ZFAT: variants seen among roughly 807,000 people sequenced by gnomAD.
ZFAT encodes the protein zinc finger protein ZFAT.
A neutral mutation model predicts 117.7 loss-of-function variants in ZFAT; 64 were observed. The ratio of observed to expected loss-of-function variants is 0.54; its 90% CI spans 0.44 to 0.67. The LOEUF (loss-of-function observed/expected upper bound fraction) is 0.67. ZFAT is among the 30% of genes least tolerant of loss of function. ZFAT has a pLI of 0.00. For synonymous variants in ZFAT, 679 were observed against 615.0 expected (o/e 1.10, Z -1.54); for missense variants, 1,433 against 1,584.5 (o/e 0.90, Z 1.62).
At chr8:134,722,137 C>T in the ZFAT span, among the ~76,000 whole-genome samples, 2 of 152,104 alleles carry the variant, frequency 1.3e-5, no homozygotes, top group South Asian at 4.1e-4. Context: ...TGTCATACAG[C>T]ACACCACTCA....
Position 134,532,835 on chromosome 8 carries a change from T to C in ZFAT, c.3114A>G (p.Gln1038=). Residue 1038 remains glutamine, a splice_region_variant and synonymous_variant, in exon 12 of 16, where the codon CAA becomes CAG. Transcript: ENST00000377838. ...GELAAEVLIQ[Q]GGLKCPVCSF... ...CCAGCTCGCTGGCCCCTCGCCTACCTTGCTGGATGAGCACCTCCGCTGCCA... is the reference window on the plus strand; with the variant it reads ...CCAGCTCGCTGGCCCCTCGCCTACCCTGCTGGATGAGCACCTCCGCTGCCA... The C allele has an allele frequency of 6.2e-7, 1 of 1,610,256 alleles. No homozygotes were observed. The highest frequency in any genetic ancestry group is 8.5e-7 in the Non-Finnish European group (1 of 1,178,532).
At chr8:134,495,966 G>A (rs1818406825) in intron 15 of ZFAT, among the ~76,000 whole-genome samples, 1 of 152,070 alleles carries the variant, frequency 6.6e-6, no homozygotes, top group South Asian at 2.1e-4. Context: ...ATCCACCCTG[G>A]ACTCCTGATG....
chr8:134,829,929 A>T, the ZFAT span, among the ~76,000 whole-genome samples: 4 of 152,256 alleles, frequency 2.6e-5, no homozygotes, highest in African/African-American at 9.6e-5. Context: ...ATTTCAAAAA[A>T]AGTCAAAGAA....
intron 14 of ZFAT, chr8:134,510,145 G>A (rs532760481): frequency 1.0e-4 from 48 of 457,972 alleles, no homozygotes; most frequent in South Asian, 7.0e-4. Context: ...TTCAGCCGCA[G>A]ACTCAATGAA....
chr8:134,715,710 C>T (rs1388130512), upstream of ZFAT, among the ~76,000 whole-genome samples: 1 of 152,228 alleles, frequency 6.6e-6, no homozygotes, highest in East Asian at 1.9e-4. Flanking sequence ...CAGCTGACCA[C>T]TGGTGGCAGT....
chr8:134,635,629 G>C (rs1382785778), intron 3 of ZFAT, among the ~76,000 whole-genome samples: 1 of 137,588 alleles, frequency 7.3e-6, no homozygotes, highest in Non-Finnish European at 1.5e-5. Context: ...GGGAGAGAGA[G>C]AGAGAGTCAG....
At chr8:134,629,141 G>A (rs191162119) in intron 3 of ZFAT, among the ~76,000 whole-genome samples, 2 of 152,244 alleles carry the variant, frequency 1.3e-5, no homozygotes, top group East Asian at 1.9e-4. Context: ...GGTAAGTGTC[G>A]GGATGTGACG....
At chr8:134,762,823 AC>A in the ZFAT span, among the ~76,000 whole-genome samples, 1 of 152,100 alleles carries the variant, frequency 6.6e-6, no homozygotes, top group Non-Finnish European at 1.5e-5. Context: ...ATACCTCTCT[AC>A]CCTTGAAAAA....
At chr8:134,691,360 G>A (rs1448530406) in intron 1 of ZFAT, among the ~76,000 whole-genome samples, 1 of 152,268 alleles carries the variant, frequency 6.6e-6, no homozygotes, top group Admixed American at 6.5e-5. Flanking sequence ...CTCAGGTGGT[G>A]GCCAGGAGGC....
intron 2 of ZFAT, among the ~76,000 whole-genome samples, chr8:134,650,674 C>T (rs1018278384): frequency 2.0e-5 from 3 of 152,214 alleles, no homozygotes; most frequent in Admixed American, 2.0e-4. Context: ...CAGTTACAGC[C>T]ATCTAAACAG....
chr8:134,700,872 G>C (rs1159720000), intron 1 of ZFAT, among the ~76,000 whole-genome samples: 1 of 152,144 alleles, frequency 6.6e-6, no homozygotes, highest in African/African-American at 2.4e-5. Context: ...CCTTGTACAA[G>C]TGAGTAAGTT....
At chr8:134,769,863 C>T in the ZFAT span, among the ~76,000 whole-genome samples, 2 of 152,252 alleles carry the variant, frequency 1.3e-5, no homozygotes, top group Non-Finnish European at 2.9e-5. Flanking sequence ...AGGCTCAACG[C>T]CATGTGGAAG....
chr8:134,495,473 C>T (rs1050674810), intron 15 of ZFAT, among the ~76,000 whole-genome samples: 15 of 152,264 alleles, frequency 9.9e-5, no homozygotes, highest in Admixed American at 5.9e-4. Flanking sequence ...CGTGAGCATT[C>T]GGTTCATCAT....
At chr8:134,610,879 G>A (rs1421392307) in intron 3 of ZFAT, among the ~76,000 whole-genome samples, 1 of 151,644 alleles carries the variant, frequency 6.6e-6, no homozygotes, top group African/African-American at 2.4e-5. Context: ...CCTAGGCCCT[G>A]GGCGTACACT....
the ZFAT span, chr8:134,766,308 A>T: frequency 2.6e-5 from 4 of 152,238 alleles, no homozygotes. Flanking sequence ...TGCAAAGGTG[A>T]ACTGACATGA....
chr8:134,773,982 TAA>T, the ZFAT span, among the ~76,000 whole-genome samples: 1,275 of 104,534 alleles, frequency 0.012, 32 homozygotes, highest in African/African-American at 0.043. Context: ...GCTTGAGGAT[TAA>T]TTTTTTTTTT....
At chr8:134,722,036 T>C in the ZFAT span, among the ~76,000 whole-genome samples, 2 of 152,216 alleles carry the variant, frequency 1.3e-5, no homozygotes, top group Non-Finnish European at 2.9e-5. Flanking sequence ...GCCCAAAGTG[T>C]GCTCCAAAGA....
At chr8:134,623,957 C>A (rs1443517168) in intron 3 of ZFAT, among the ~76,000 whole-genome samples, 1 of 152,146 alleles carries the variant, frequency 6.6e-6, no homozygotes, top group Non-Finnish European at 1.5e-5. Context: ...GTTCCCCACA[C>A]TTATCTCAGA....
chr8:134,810,393 T>C, the ZFAT span, among the ~76,000 whole-genome samples: 1 of 152,224 alleles, frequency 6.6e-6, no homozygotes, highest in Non-Finnish European at 1.5e-5. Context: ...ATTCTTATTA[T>C]GCACCTAATT....
Sources: gnomAD v4.1 joint callset for allele counts (sites outside exome capture counted in the v4.1 genomes callset) on GRCh38, gnomAD v4.1.1 for gene constraint, MANE v1.5 for transcripts, NCBI Gene and HGNC (gene_info 2026-07-23, HGNC 2026-07-21) for gene names.